The following DNM2 variants were observed in gnomAD, a reference collection of about 807,000 sequenced individuals.
DNM2 encodes the protein dynamin-2.
A neutral mutation model predicts 99.0 loss-of-function variants in DNM2; 15 were observed. The ratio of observed to expected loss-of-function variants is 0.15; its 90% CI spans 0.10 to 0.23. DNM2 has a LOEUF of 0.23. DNM2 is among the 10% of genes least tolerant of loss of function. DNM2 has a pLI of 1.00. For missense variants in DNM2, 742 were observed against 1,189.4 expected, an observed-to-expected ratio of 0.62 and a Z score of 5.53; for synonymous variants, 525 against 481.2, an observed-to-expected ratio of 1.09 and a Z score of -1.19.
intron 5 of DNM2, chr19:10,780,233 C>CGGAT: frequency 6.5e-6 from 1 of 153,000 alleles, no homozygotes; most frequent in East Asian, 1.9e-4. Context: ...TGTGAAGATC[C>CGGAT]GGGGCTGAGA....
chr19:10,802,279 C>T lies in DNM2; in HGVS notation c.1423-9C>T, dbSNP rs371006369. ...CCTTGTACTCACAGTGACCCCCGCT[C>T]TCCCCCAGATTCTTCTGCTGATCGA... On this transcript the variant is annotated splice_polypyrimidine_tract_variant and intron_variant, in intron 11 of 20. Transcript: ENST00000389253. The T allele has an allele frequency of 1.2e-6, 2 of 1,614,138 alleles. No individual in the cohort carries two copies. The highest frequency in any genetic ancestry group is 1.7e-6 in the Non-Finnish European group (2 of 1,180,024).
In DNM2 at chr19:10,797,493, C is replaced by T. The variant is rs768006219; in HGVS notation, c.1310C>T (p.Thr437Met). The T allele has an allele frequency of 1.7e-5, 25 of 1,483,082 alleles. No homozygotes were observed. The highest frequency in any genetic ancestry group is 2.5e-5 in the East Asian group (1 of 39,570). The allele number at this position is 1,483,082 out of a possible 1,614,324, so 91.9% of individuals were successfully genotyped here. Residue 437 changes from threonine to methionine, a missense_variant, in exon 10 of 21, where the codon ACG (threonine) becomes ATG (methionine). Around this residue, in one of 7 missense-constraint regions of DNM2, gnomAD observed 240 missense variants for 431.3 expected, o/e 0.56. Coordinates refer to ENST00000389253, the MANE Select transcript of DNM2 (RefSeq NM_001005361.3). ...GATCTCGTGGTCTCAGAGCTGGCCA[C>T]GGTCATAAAAAAGTGTGCCGAGAAG... ...CVDLVVSELA[T>M]VIKKCAEKLS...
At position 10,724,128 on chromosome 19, in the gene DNM2, A is replaced by C. The variant is rs73007525; in HGVS notation, c.161+5725A>C. Among the ~76,000 whole-genome samples, 831 of 148,940 alleles carry C rather than the reference A, an allele frequency of 5.6e-3. 4 individuals carry two copies. Among genetic ancestry groups the C allele is most frequent in the Middle Eastern group, 0.011 (3 of 284 alleles). ...ATAAGTATGATGGAAAAAAGGATCA[A>C]GGAGCAGGATGAGGGAGAGATCACA... On this transcript the variant is annotated intron_variant, in intron 1 of 20. Transcript: ENST00000389253.
intron 1 of DNM2, among the ~76,000 whole-genome samples, chr19:10,730,184 T>G (rs979324795): frequency 6.6e-6 from 1 of 152,126 alleles, no homozygotes; most frequent in African/African-American, 2.4e-5. Flanking sequence ...ATTTGTTGAA[T>G]GAAAGTAGCT....
intron 7 of DNM2, among the ~76,000 whole-genome samples, chr19:10,788,443 G>A (rs1327122704): frequency 6.6e-6 from 1 of 152,116 alleles, no homozygotes; most frequent in Admixed American, 6.5e-5. Context: ...GGCCTTGTGG[G>A]GCCTCAGGGA....
At chr19:10,730,245 C>T (rs1280946635) in intron 1 of DNM2, among the ~76,000 whole-genome samples, 2 of 152,016 alleles carry the variant, frequency 1.3e-5, no homozygotes, top group African/African-American at 2.4e-5. Flanking sequence ...TATGGGAGGC[C>T]GAGGCAACAT....
At chr19:10,786,532 A>T (rs1176885342) in intron 6 of DNM2, 32 bp from the exon 7 acceptor site, 1 of 1,613,070 alleles carries the variant, frequency 6.2e-7, no homozygotes, top group Non-Finnish European at 8.5e-7. Flanking sequence ...TGCCCATGCC[A>T]CCCTTTCTGA....
At chr19:10,813,649 C>A (rs2146118384) in intron 15 of DNM2, among the ~76,000 whole-genome samples, 1 of 151,748 alleles carries the variant, frequency 6.6e-6, no homozygotes, top group African/African-American at 2.4e-5. Context: ...CATAGCATTA[C>A]CCTGTGTCTA....
chr19:10,799,694 C>T (rs1199868516), intron 11 of DNM2, among the ~76,000 whole-genome samples: 3 of 151,968 alleles, frequency 2.0e-5, no homozygotes, highest in Non-Finnish European at 2.9e-5. Flanking sequence ...CCACTTTACC[C>T]ACCTAATTTT....
chr19:10,719,084 T>G (rs568981828), intron 1 of DNM2, among the ~76,000 whole-genome samples: 1 of 152,294 alleles, frequency 6.6e-6, no homozygotes, highest in East Asian at 1.9e-4. Context: ...GGGACCCTGT[T>G]TGATTCTCTC....
chr19:10,790,221 C>G (rs2071703164), intron 7 of DNM2, among the ~76,000 whole-genome samples: 2 of 152,214 alleles, frequency 1.3e-5, no homozygotes, highest in Admixed American at 6.5e-5. Context: ...AAGCCTGGAG[C>G]CTTCTGTCTC....
chr19:10,829,300 A>G, intron 19 of DNM2, 32 bp downstream of exon 19: 4 of 1,606,854 alleles, frequency 2.5e-6, no homozygotes, highest in Non-Finnish European at 2.5e-6. Flanking sequence ...ACCCTCAAGC[A>G]TTCGGCCTGC....
chr19:10,745,071 G>A (rs1038513073), intron 1 of DNM2, among the ~76,000 whole-genome samples: 15 of 152,248 alleles, frequency 9.9e-5, no homozygotes, highest in South Asian at 4.1e-4. Context: ...CTATAAAACA[G>A]CAAGTTTTTC....
chr19:10,719,466 C>G (rs2068865611), intron 1 of DNM2, among the ~76,000 whole-genome samples: 1 of 152,156 alleles, frequency 6.6e-6, no homozygotes, highest in Non-Finnish European at 1.5e-5. Flanking sequence ...GTAGCCTTCT[C>G]TGGACAGCCT....
intron 1 of DNM2, among the ~76,000 whole-genome samples, chr19:10,725,886 T>C (rs2069097603): frequency 1.3e-5 from 2 of 151,870 alleles, no homozygotes; most frequent in African/African-American, 2.4e-5. Flanking sequence ...CCTGAGTAGC[T>C]GGGACTATAG....
chr19:10,759,904 G>C (rs530771521), intron 2 of DNM2, 93 bp downstream of exon 2: 1 of 1,527,162 alleles, frequency 6.5e-7, no homozygotes, highest in East Asian at 2.2e-5. Flanking sequence ...CTTGGGTCCT[G>C]GGCTGTCATT....
intron 13 of DNM2, among the ~76,000 whole-genome samples, chr19:10,807,540 T>A (rs1279378682): frequency 1.1e-5 from 1 of 93,026 alleles, no homozygotes; most frequent in Non-Finnish European, 2.1e-5. Flanking sequence ...ACGTCCAGCC[T>A]TTTTTTTTTT....
intron 12 of DNM2, chr19:10,803,533 T>C (rs2072231662): frequency 2.6e-6 from 2 of 780,076 alleles, no homozygotes; most frequent in Non-Finnish European, 3.1e-6. Flanking sequence ...CTCACCTTGA[T>C]GTCTCTGCTT....
chr19:10,792,262 G>T (rs955149254), intron 7 of DNM2, among the ~76,000 whole-genome samples: 2 of 152,176 alleles, frequency 1.3e-5, no homozygotes, highest in Non-Finnish European at 2.9e-5. Flanking sequence ...GTATGAAGGA[G>T]ACCCCCCTTT....
Sources: gnomAD v4.1 joint callset for allele counts (sites outside exome capture counted in the v4.1 genomes callset) on GRCh38, gnomAD v4.1.1 for gene constraint, gnomAD v4.1.1 regional missense constraint, MANE v1.5 for transcripts, NCBI Gene and HGNC (gene_info 2026-07-23, HGNC 2026-07-21) for gene names.